The following SPATA22 variants were observed in gnomAD, a reference collection of about 807,000 sequenced individuals.
SPATA22 encodes the protein spermatogenesis-associated protein 22.
In SPATA22, 29 loss-of-function variants were observed where a neutral mutation model predicts 47.8. The ratio of observed to expected loss-of-function variants is 0.61; its 90% confidence interval spans 0.45 to 0.83. The LOEUF (loss-of-function observed/expected upper bound fraction) is 0.83, where lower values mean the gene tolerates loss of function less well. Among genes scored for constraint, SPATA22 ranks in the 40% least tolerant of loss-of-function variants. SPATA22 has a pLI of 0.00. For synonymous variants in SPATA22, 133 were observed against 140.9 expected (o/e 0.94, Z 0.40); for missense variants, 410 against 421.7 (o/e 0.97, Z 0.24).
chr17:3,443,180 A>C lies in SPATA22; in HGVS notation c.894T>G (p.Tyr298Ter), dbSNP rs146028993. 1.0e-4 allele frequency: 166 copies of C among 1,606,050 alleles called. No homozygotes were observed. The highest frequency in any genetic ancestry group is 1.4e-4 in the Non-Finnish European group (160 of 1,175,272). Residue 298 changes from tyrosine to a stop codon, truncating the protein, a stop_gained, in exon 8 of 9, where the codon TAT (tyrosine) becomes TAG (stop). Coordinates refer to ENST00000572969, the MANE Select transcript of SPATA22 (RefSeq NM_001170698.2). LOFTEE classifies it high-confidence loss of function. The stretch of plus-strand genomic sequence containing the variant: ...GTACTTTAAAAATACTCACGATTTC[A>C]TAAAAGACACAAGGCAGAGTATTTT... ...DGKNTLPCVF[Y>*]EIDRELPRLI... is the part of the protein sequence containing the mutation.
chr17:3,469,959 G>A (rs2073390066), intron 1 of SPATA22, among the ~76,000 whole-genome samples: 1 of 152,052 alleles, frequency 6.6e-6, no homozygotes, highest in Non-Finnish European at 1.5e-5. Flanking sequence ...CAGGAGTGGT[G>A]GCGGGCGCCT....
chr17:3,449,184 T>A, intron 5 of SPATA22, 35 bp from the exon 6 acceptor site: 1 of 1,422,992 alleles, frequency 7.0e-7, no homozygotes, highest in Non-Finnish European at 9.5e-7. Context: ...TTTGTTTCTA[T>A]ATGGTTTCTT....
At position 3,446,220 on chromosome 17, in the gene SPATA22, T is replaced by C. The variant is rs147752234; in HGVS notation, c.802+252A>G. ...GCAAAGTCTCTTTTGCCATATAAGG[T>C]AGCATTCACAGGTTTTGGTAATTAG... On this transcript the variant is annotated intron_variant, in intron 7 of 8. Transcript: ENST00000572969. Among the ~76,000 whole-genome samples, 412 of 152,234 alleles carry C rather than the reference T, an allele frequency of 2.7e-3. 2 individuals are homozygous for C. Among genetic ancestry groups the C allele is most frequent in the African/African-American group, 9.4e-3 (392 of 41,578 alleles).
chr17:3,451,960 AAAAAGAAAACCAG>A (rs2150706320), intron 5 of SPATA22, among the ~76,000 whole-genome samples: 1 of 151,798 alleles, frequency 6.6e-6, no homozygotes, highest in African/African-American at 2.4e-5. Context: ...TAAAAAAAAA[AAAAAGAAAACCAG>A]AAAAGAAAAT....
chr17:3,446,380 A>C (rs1287518502), intron 7 of SPATA22, 92 bp downstream of exon 7: 4 of 1,296,084 alleles, frequency 3.1e-6, no homozygotes, highest in Non-Finnish European at 3.2e-6. Context: ...CAAAAAGCAG[A>C]CTGTTTTATT....
Position 3,502,446 on chromosome 17 carries a change from A to C in SPATA22, c.-74+10966T>G, listed in dbSNP as rs577110742. 9.5e-4 allele frequency: 145 copies of C among 152,306 alleles called. 1 individual carries two copies. Among genetic ancestry groups the C allele is most frequent in the African/African-American group, 3.4e-3 (142 of 41,570 alleles). The allele number at this position is 152,306 out of a possible 1,614,324, so 9.4% of individuals were successfully genotyped here. ...TGCTAGTAGAAATGAGTTGTGCAGA[A>C]TTGCTATTTTTTTCAATTTTTATAT... On this transcript the variant is annotated intron_variant, in intron 1 of 8. Coordinates refer to the SPATA22 transcript ENST00000541913.
At chr17:3,452,360 G>A (rs576199929) in intron 5 of SPATA22, among the ~76,000 whole-genome samples, 18 of 151,244 alleles carry the variant, frequency 1.2e-4, no homozygotes, top group African/African-American at 3.1e-4. Flanking sequence ...TTGGGAGGCC[G>A]AGGCAGGCGG....
chr17:3,469,426 A>G (rs952610846), intron 1 of SPATA22, 28 bp from the exon 2 acceptor site: 2 of 891,188 alleles, frequency 2.2e-6, no homozygotes, highest in African/African-American at 1.7e-5. Flanking sequence ...TATAACTCGT[A>G]TTGTCTCAAC....
At chr17:3,481,833 A>C (rs774310410) in intron 1 of SPATA22, 102 of 1,527,492 alleles carry the variant, frequency 6.7e-5, no homozygotes, top group Non-Finnish European at 8.8e-5. Flanking sequence ...AAGTTAGCAA[A>C]GGACTTGTAC....
At chr17:3,501,609 CAT>C (rs2073990154) in intron 1 of SPATA22, 1 of 165,740 alleles carries the variant, frequency 6.0e-6, no homozygotes, top group African/African-American at 2.4e-5. Context: ...ATTACGTAAA[CAT>C]AGTTGATAAA....
chr17:3,463,135 T>A (rs1321060290), intron 3 of SPATA22, among the ~76,000 whole-genome samples: 1 of 152,210 alleles, frequency 6.6e-6, no homozygotes, highest in Non-Finnish European at 1.5e-5. Context: ...ATGCATGATA[T>A]ATGTGTGAGA....
intron 1 of SPATA22, among the ~76,000 whole-genome samples, chr17:3,508,493 A>G (rs1239985588): frequency 6.7e-6 from 1 of 150,372 alleles, no homozygotes; most frequent in African/African-American, 2.5e-5. Context: ...AAGACTTGGA[A>G]CCAACCCAGA....
At position 3,504,782 on chromosome 17, in the gene SPATA22, C is replaced by T. The variant is rs1265309152; in HGVS notation, c.-74+8630G>A. Among the ~76,000 whole-genome samples the T allele has an allele frequency of 3.3e-5, 5 of 152,080 alleles. 1 individual carries two copies. Among genetic ancestry groups the T allele is most frequent in the African/African-American group, 1.2e-4 (5 of 41,404 alleles). On this transcript the variant is annotated intron_variant, in intron 1 of 8. Coordinates refer to the SPATA22 transcript ENST00000541913. Reference sequence around the variant, plus strand: ...CCATGTTGGTCAGGCTGGTCTCGAACCCCCGAACTCAGATGATCCACCCAC... The same window carrying T: ...CCATGTTGGTCAGGCTGGTCTCGAATCCCCGAACTCAGATGATCCACCCAC...
At chr17:3,452,398 C>G (rs1239923204) in intron 5 of SPATA22, among the ~76,000 whole-genome samples, 1 of 151,700 alleles carries the variant, frequency 6.6e-6, no homozygotes, top group Non-Finnish European at 1.5e-5. Flanking sequence ...TCGAGACCAT[C>G]CTGGCCAACA....
intron 5 of SPATA22, among the ~76,000 whole-genome samples, chr17:3,461,984 C>T (rs1212899268): frequency 6.6e-6 from 1 of 152,198 alleles, no homozygotes; most frequent in African/African-American, 2.4e-5. Flanking sequence ...ATCTTTTTGA[C>T]CAGCTTCTTC....
intron 1 of SPATA22, among the ~76,000 whole-genome samples, chr17:3,507,976 T>C (rs1275831345): frequency 6.6e-6 from 1 of 152,194 alleles, no homozygotes; most frequent in Admixed American, 6.5e-5. Flanking sequence ...CTAACGCCTA[T>C]TAAGCTAGGA....
chr17:3,448,931 A>G lies in SPATA22; in HGVS notation c.548T>C (p.Ile183Thr). ...ELLRQTHSSK[I>T]SGCTMRGLDK... ...TAGCCCTCTCATTGTGCAGCCAGAT[A>G]TTTTTGATGAATGTGTTTGTCTGAG... The change falls in exon 6 of 9, where the codon ATA becomes ACA. Residue 183 changes from isoleucine to threonine, a missense_variant. Physicochemically the swap from Ile to Thr is moderately conservative, Grantham distance 89. Transcript: ENST00000572969. The G allele has an allele frequency of 6.2e-7, 1 of 1,614,048 alleles. No homozygotes were observed. The highest frequency in any genetic ancestry group is 8.5e-7 in the Non-Finnish European group (1 of 1,179,976).
At chr17:3,464,216 G>A (rs996212960) in intron 3 of SPATA22, among the ~76,000 whole-genome samples, 10 of 152,082 alleles carry the variant, frequency 6.6e-5, no homozygotes, top group East Asian at 5.8e-4. Context: ...TCCTAACCGC[G>A]AGTGATCCGC....
intron 1 of SPATA22, among the ~76,000 whole-genome samples, chr17:3,509,855 A>G (rs1380817004): frequency 1.3e-5 from 2 of 151,972 alleles, no homozygotes; most frequent in Non-Finnish European, 2.9e-5. Flanking sequence ...AATAATCGCC[A>G]TTCTGACTGG....
Sources: gnomAD v4.1 joint callset for allele counts (sites outside exome capture counted in the v4.1 genomes callset) on GRCh38, gnomAD v4.1.1 for gene constraint, MANE v1.5 for transcripts, NCBI Gene and HGNC (gene_info 2026-07-23, HGNC 2026-07-21) for gene names.